KHDRBS3: variants seen among roughly 807,000 people sequenced by gnomAD.
KHDRBS3 encodes the protein KH RNA binding domain containing, signal transduction associated 3.
Under a neutral mutation model 45.6 loss-of-function variants are expected in KHDRBS3, and 23 were observed. The ratio of observed to expected loss-of-function variants is 0.50; its 90% CI spans 0.36 to 0.72. KHDRBS3 has a LOEUF of 0.72. Among genes scored for constraint, KHDRBS3 ranks in the 30% least tolerant of loss-of-function variants. KHDRBS3 has a pLI of 0.00. For missense variants in KHDRBS3, 352 were observed against 424.8 expected (o/e 0.83, Z 1.51); for synonymous variants, 162 against 156.5 (o/e 1.04, Z -0.26).
At chr8:135,512,437 G>GGGGGGGGT (rs1554620171) in intron 1 of KHDRBS3, among the ~76,000 whole-genome samples, 2 of 128,374 alleles carry the variant, frequency 1.6e-5, no homozygotes, top group African/African-American at 5.9e-5. Flanking sequence ...GTCGGGGGGG[G>GGGGGGGGT]GGTAATAACT....
At chr8:135,608,212 C>T (rs956060216) in intron 7 of KHDRBS3, among the ~76,000 whole-genome samples, 3 of 152,154 alleles carry the variant, frequency 2.0e-5, no homozygotes, top group African/African-American at 4.8e-5. Context: ...CCAGAAATTG[C>T]ACAGAAAGTG....
intron 7 of KHDRBS3, among the ~76,000 whole-genome samples, chr8:135,627,436 C>T (rs1485796507): frequency 6.6e-6 from 1 of 152,220 alleles, no homozygotes; most frequent in East Asian, 1.9e-4. Flanking sequence ...TTGTCTACTT[C>T]ATCTGCAAAA....
intron 7 of KHDRBS3, among the ~76,000 whole-genome samples, chr8:135,637,576 C>A (rs1830867420): frequency 6.6e-6 from 1 of 152,160 alleles, no homozygotes; most frequent in Admixed American, 6.5e-5. Flanking sequence ...AGTAATGTGA[C>A]TTCTAAAGGA....
intron 1 of KHDRBS3, among the ~76,000 whole-genome samples, chr8:135,486,844 G>GAA (rs1822887770): frequency 6.6e-6 from 1 of 152,164 alleles, no homozygotes; most frequent in African/African-American, 2.4e-5. Context: ...GATCAAACAT[G>GAA]AAGCATACTG....
chr8:135,473,199 GTCACAGGC>G (rs749824805), intron 1 of KHDRBS3, among the ~76,000 whole-genome samples: 8 of 152,128 alleles, frequency 5.3e-5, no homozygotes, highest in Non-Finnish European at 1.2e-4. Flanking sequence ...TAGCTGGGGT[GTCACAGGC>G]TCCTCCGTCC....
chr8:135,488,208 G>A (rs1430523495), intron 1 of KHDRBS3, among the ~76,000 whole-genome samples: 3 of 152,144 alleles, frequency 2.0e-5, no homozygotes, highest in Admixed American at 6.5e-5. Flanking sequence ...ACTGGTACAT[G>A]TGCTGATACT....
intron 6 of KHDRBS3, among the ~76,000 whole-genome samples, chr8:135,605,596 G>A (rs540989553): frequency 2.0e-5 from 3 of 152,054 alleles, no homozygotes; most frequent in Admixed American, 6.6e-5. Context: ...ACTATCCCCT[G>A]TGTATACCAA....
At chr8:135,624,891 C>T (rs1355214075) in intron 7 of KHDRBS3, among the ~76,000 whole-genome samples, 1 of 152,088 alleles carries the variant, frequency 6.6e-6, no homozygotes, top group Non-Finnish European at 1.5e-5. Flanking sequence ...TATATAACAC[C>T]TTCTCCAGCA....
At chr8:135,655,625 C>T (rs1482516739) in intron 4 of KHDRBS3, among the ~76,000 whole-genome samples, 1 of 152,184 alleles carries the variant, frequency 6.6e-6, no homozygotes, top group Non-Finnish European at 1.5e-5. Flanking sequence ...TTTGAGCACA[C>T]TTTGTGGTAT....
chr8:135,536,073 T>G (rs1334513927), intron 2 of KHDRBS3, among the ~76,000 whole-genome samples: 2 of 152,008 alleles, frequency 1.3e-5, no homozygotes, highest in African/African-American at 4.8e-5. Flanking sequence ...TTTCAACTTT[T>G]CTAATTGGGT....
At chr8:135,561,993 TAA>T (rs892077844) in intron 5 of KHDRBS3, among the ~76,000 whole-genome samples, 1 of 152,130 alleles carries the variant, frequency 6.6e-6, no homozygotes, top group Non-Finnish European at 1.5e-5. Context: ...AAAAAAAAGT[TAA>T]AAGTTGACAA....
chr8:135,612,424 G>T (rs1364818678), intron 7 of KHDRBS3, among the ~76,000 whole-genome samples: 1 of 151,776 alleles, frequency 6.6e-6, no homozygotes, highest in Non-Finnish European at 1.5e-5. Context: ...GTGAAATTAA[G>T]AAATTTGTTT....
intron 1 of KHDRBS3, among the ~76,000 whole-genome samples, chr8:135,512,484 T>A (rs1184455721): frequency 6.7e-6 from 1 of 149,658 alleles, no homozygotes; most frequent in African/African-American, 2.5e-5. Context: ...AGTAGGTCAT[T>A]GTGCAGGCTG....
chr8:135,621,003 T>C (rs1457573811), intron 7 of KHDRBS3, among the ~76,000 whole-genome samples: 1 of 152,198 alleles, frequency 6.6e-6, no homozygotes, highest in African/African-American at 2.4e-5. Flanking sequence ...CGTGTAAGTT[T>C]GCATCTGTTT....
intron 2 of KHDRBS3, among the ~76,000 whole-genome samples, chr8:135,532,290 T>C (rs1419070128): frequency 6.6e-6 from 1 of 152,208 alleles, no homozygotes; most frequent in Admixed American, 6.5e-5. Context: ...CCCATTGAGC[T>C]AATAAAAGTA....
intron 7 of KHDRBS3, among the ~76,000 whole-genome samples, chr8:135,610,982 G>A (rs538919867): frequency 6.6e-6 from 1 of 152,022 alleles, no homozygotes; most frequent in South Asian, 2.1e-4. Flanking sequence ...TGACAGTTGT[G>A]AAGGCTGGAT....
At chr8:135,470,370 A>G (rs915501698) in intron 1 of KHDRBS3, among the ~76,000 whole-genome samples, 2 of 152,106 alleles carry the variant, frequency 1.3e-5, no homozygotes, top group African/African-American at 2.4e-5. Context: ...CTCATTAGGA[A>G]TGTCTCCTTT....
intron 7 of KHDRBS3, among the ~76,000 whole-genome samples, chr8:135,637,651 C>T (rs1285750237): frequency 6.6e-6 from 1 of 152,138 alleles, no homozygotes; most frequent in East Asian, 1.9e-4. Flanking sequence ...ATTATTATTA[C>T]AGGCGAGTTA....
At chr8:135,476,232 C>A (rs1233465359) in intron 1 of KHDRBS3, among the ~76,000 whole-genome samples, 1 of 152,098 alleles carries the variant, frequency 6.6e-6, no homozygotes, top group African/African-American at 2.4e-5. Flanking sequence ...CAACCTCTGC[C>A]TCTTGGGTTC....
Sources: gnomAD v4.1 joint callset for allele counts (sites outside exome capture counted in the v4.1 genomes callset) on GRCh38, gnomAD v4.1.1 for gene constraint, MANE v1.5 for transcripts, NCBI Gene and HGNC (gene_info 2026-07-23, HGNC 2026-07-21) for gene names.